Variants in PTPRD observed in about 807,000 individuals in gnomAD.
PTPRD encodes the protein receptor-type tyrosine-protein phosphatase delta.
Under a neutral mutation model 214.5 loss-of-function variants are expected in PTPRD, and 34 were observed. The observed-to-expected ratio is 0.16, with a 90% confidence interval of 0.12 to 0.21. PTPRD has a LOEUF of 0.21. PTPRD is among the 10% of genes least tolerant of loss of function. The probability of loss-of-function intolerance (pLI) is 1.00; values close to 1 mark genes in which losing one functional copy is unlikely to be tolerated. For missense variants in PTPRD, 2,545 were observed against 2,398.7 expected (o/e 1.06, Z -1.27); for synonymous variants, 1,128 against 845.7 (o/e 1.33, Z -5.79).
At chr9:9,363,942 G>A (rs915039344) in intron 9 of PTPRD, among the ~76,000 whole-genome samples, 1 of 151,282 alleles carries the variant, frequency 6.6e-6, no homozygotes, top group South Asian at 2.1e-4. Context: ...TTCATCCTTT[G>A]TAATTCATTA....
chr9:10,206,737 G>C (rs1357080988), intron 3 of PTPRD, among the ~76,000 whole-genome samples: 1 of 151,994 alleles, frequency 6.6e-6, no homozygotes, highest in Non-Finnish European at 1.5e-5. Context: ...TTCACAGTTT[G>C]GTATATATAG....
At chr9:8,779,093 C>G (rs1451391509) in intron 11 of PTPRD, among the ~76,000 whole-genome samples, 4 of 151,964 alleles carry the variant, frequency 2.6e-5, no homozygotes, top group Non-Finnish European at 5.9e-5. Context: ...GGGCTAAAGA[C>G]AGGAGATGAG....
At chr9:9,118,451 C>T (rs1419959652) in intron 10 of PTPRD, among the ~76,000 whole-genome samples, 1 of 152,134 alleles carries the variant, frequency 6.6e-6, no homozygotes, top group African/African-American at 2.4e-5. Context: ...TAGTACCCAG[C>T]AACTTTTTAG....
intron 12 of PTPRD, among the ~76,000 whole-genome samples, chr9:8,703,223 A>T (rs1323422033): frequency 1.3e-5 from 2 of 152,224 alleles, no homozygotes; most frequent in African/African-American, 2.4e-5. Context: ...GATCAGCAGG[A>T]AAGTGAAGAA....
rs1031568169 is a variant in PTPRD at position 8,704,001 on chromosome 9, T to C, written c.64+29779A>G. 2.6e-4 allele frequency among the ~76,000 whole-genome samples: 39 copies of C among 152,190 alleles called. 1 individual carries two copies. The highest frequency in any genetic ancestry group is 8.7e-4 in the African/African-American group (36 of 41,440). The stretch of plus-strand genomic sequence containing the variant: ...GGGAGTCATCCTTGACATTTCCTTA[T>C]ATACTCACCCTCAATATATGAGGAA... On this transcript the variant is annotated intron_variant, in intron 12 of 45. Coordinates refer to ENST00000381196, the MANE Select transcript of PTPRD (RefSeq NM_002839.4).
intron 8 of PTPRD, among the ~76,000 whole-genome samples, chr9:9,534,598 G>T (rs1398293485): frequency 6.6e-6 from 1 of 151,982 alleles, no homozygotes; most frequent in Non-Finnish European, 1.5e-5. Flanking sequence ...AACATTGTAA[G>T]ACACCACGTT....
intron 7 of PTPRD, among the ~76,000 whole-genome samples, chr9:9,675,293 G>C (rs1485774718): frequency 6.6e-6 from 1 of 151,686 alleles, no homozygotes; most frequent in Non-Finnish European, 1.5e-5. Flanking sequence ...AGGACTTTCA[G>C]AGTAATATAT....
At position 9,949,540 on chromosome 9, in the gene PTPRD, C is replaced by T. The variant is rs79501528; in HGVS notation, c.-471-10930G>A. Among the ~76,000 whole-genome samples the T allele has an allele frequency of 7.6e-3, 1,162 of 151,962 alleles. 9 individuals carry two copies. The highest frequency in any genetic ancestry group is 0.027 in the African/African-American group (1,098 of 41,430). On this transcript the variant is annotated intron_variant, in intron 4 of 45. Transcript: ENST00000381196. The stretch of plus-strand genomic sequence containing the variant: ...CGTAGGGAGTTAATGATTTATTTTC[C>T]CAGGGATAATGCTACTCACATACCA...
rs181637846 is a variant in PTPRD, at chr9:8,866,223, T to C, written c.-103-132277A>G. Among the ~76,000 whole-genome samples the C allele has an allele frequency of 9.2e-5, 14 of 152,306 alleles. No homozygotes were observed. The East Asian group carries it at 2.7e-3, about 29-fold the overall frequency. On this transcript the variant is annotated intron_variant, in intron 11 of 45. Coordinates refer to ENST00000381196, the MANE Select transcript of PTPRD (RefSeq NM_002839.4). The stretch of plus-strand genomic sequence containing the variant: ...AAACTATTCTTTCCCAACTGTGTGA[T>C]TACTTTACATAGTCTATTCATGTTA...
chr9:8,880,489 T>G (rs796394911), intron 11 of PTPRD, among the ~76,000 whole-genome samples: 1 of 152,188 alleles, frequency 6.6e-6, no homozygotes, highest in African/African-American at 2.4e-5. Flanking sequence ...ATTATTTTTA[T>G]TGAGTAAAAT....
chr9:9,287,057 T>A (rs1297378173), intron 9 of PTPRD, among the ~76,000 whole-genome samples: 1 of 150,182 alleles, frequency 6.7e-6, no homozygotes, highest in Non-Finnish European at 1.5e-5. Context: ...AAACACTGTC[T>A]CTGCTAAAAA....
intron 13 of PTPRD, among the ~76,000 whole-genome samples, chr9:8,636,229 A>G (rs375262452): frequency 2.7e-4 from 41 of 152,250 alleles, no homozygotes; most frequent in African/African-American, 9.1e-4. Context: ...AAGCCATGCA[A>G]TTGGATGGGA....
At chr9:10,034,597 C>G (rs888020002) in intron 3 of PTPRD, among the ~76,000 whole-genome samples, 1 of 151,808 alleles carries the variant, frequency 6.6e-6, no homozygotes, top group Non-Finnish European at 1.5e-5. Context: ...TCCAATAGGC[C>G]CCAGTGTATG....
chr9:10,501,061 G>T (rs1432599540), intron 2 of PTPRD, among the ~76,000 whole-genome samples: 9 of 151,954 alleles, frequency 5.9e-5, no homozygotes. Flanking sequence ...GCCCAGCAGT[G>T]GGGTTGCTGT....
chr9:8,808,807 A>C (rs1274015880), intron 11 of PTPRD, among the ~76,000 whole-genome samples: 2 of 152,202 alleles, frequency 1.3e-5, no homozygotes, highest in Non-Finnish European at 2.9e-5. Context: ...GACTGGACTC[A>C]ATGAATCAAA....
intron 9 of PTPRD, among the ~76,000 whole-genome samples, chr9:9,328,969 G>T (rs995940928): frequency 1.3e-5 from 2 of 151,948 alleles, no homozygotes; most frequent in Admixed American, 1.3e-4. Flanking sequence ...GTGATAAGGA[G>T]TGAAACTTGA....
chr9:9,917,719 C>G (rs1361335456), intron 5 of PTPRD, among the ~76,000 whole-genome samples: 1 of 151,936 alleles, frequency 6.6e-6, no homozygotes, highest in East Asian at 1.9e-4. Context: ...CCAAATCCAA[C>G]AACACATCAA....
At chr9:10,206,161 T>C (rs1344517876) in intron 3 of PTPRD, among the ~76,000 whole-genome samples, 3 of 151,608 alleles carry the variant, frequency 2.0e-5, no homozygotes, top group Non-Finnish European at 4.4e-5. Context: ...AGAACAGCAT[T>C]CTTGTAAGGA....
intron 9 of PTPRD, among the ~76,000 whole-genome samples, chr9:9,355,838 G>C (rs188716423): frequency 6.6e-6 from 1 of 151,468 alleles, no homozygotes; most frequent in Non-Finnish European, 1.5e-5. Flanking sequence ...GGTGAAAAAT[G>C]AGTAAAGGAA....
Sources: allele counts gnomAD v4.1 joint callset (sites outside exome capture counted in the v4.1 genomes callset), GRCh38; gene constraint gnomAD v4.1.1; transcripts MANE v1.5; gene names NCBI Gene and HGNC (gene_info 2026-07-23, HGNC 2026-07-21).